The following GSTZ1 variants were observed in gnomAD, a reference collection of about 807,000 sequenced individuals.
The protein encoded by GSTZ1 is glutathione S-transferase zeta 1.
In GSTZ1, 34 loss-of-function variants were observed where a neutral mutation model predicts 35.9. The observed-to-expected ratio is 0.95, with a 90% confidence interval of 0.72 to 1.26. The LOEUF (loss-of-function observed/expected upper bound fraction) is 1.26. Among genes scored for constraint, GSTZ1 ranks in the 50% most tolerant of loss-of-function variants. GSTZ1 has a pLI of 0.00. For synonymous variants in GSTZ1, 93 were observed against 101.2 expected (o/e 0.92, Z 0.49); for missense variants, 263 against 271.7 (o/e 0.97, Z 0.23).
intron 3 of GSTZ1, 152 bp from the exon 4 acceptor site, chr14:77,327,320 C>T (rs1892370511): frequency 6.3e-6 from 4 of 636,306 alleles, no homozygotes; most frequent in Non-Finnish European, 1.1e-5. Context: ...CTGCATGGAT[C>T]CCCCAGGGAT....
rs149349623 is a variant in GSTZ1, at chr14:77,329,175, A to G, written c.395A>G (p.Gln132Arg). The G allele has an allele frequency of 1.7e-4, 279 of 1,612,252 alleles. 2 individuals carry two copies. The African/African-American group carries it at 3.2e-3, about 18-fold the overall frequency. ...VGEEMQLTWA[Q>R]NAITCGFNAL... ...GAGGAGATGCAGCTGACCTGGGCCCAGAACGCCATCACTTGTGGCTTTAAC... is the reference window on the plus strand; with the variant it reads ...GAGGAGATGCAGCTGACCTGGGCCCGGAACGCCATCACTTGTGGCTTTAAC... Residue 132 changes from glutamine (Q) to arginine (R), a missense_variant, in exon 6 of 9, where the codon CAG becomes CGG. By Grantham distance (43) the Gln-to-Arg change is conservative. Coordinates refer to ENST00000216465, the MANE Select transcript of GSTZ1 (RefSeq NM_145870.3).
intron 1 of GSTZ1, 191 bp from the exon 2 acceptor site, chr14:77,324,671 CCTCAGGAG>C: frequency 7.4e-7 from 1 of 1,359,724 alleles, no homozygotes; most frequent in Non-Finnish European, 1.0e-6. Flanking sequence ...GCCTCTTGGA[CCTCAGGAG>C]CTCAAACCAG....
rs376952120 is a variant in GSTZ1 at position 77,326,919 on chromosome 14, G to C, written c.135+14G>C. On this transcript the variant is annotated intron_variant, in intron 3 of 8. Coordinates refer to ENST00000216465, the MANE Select transcript of GSTZ1 (RefSeq NM_145870.3). Reference sequence around the variant, plus strand: ...GGGGGCCAACAGGTAAGAAGGCTGTGCCCAGACCACAATGTGGGAATTGGA... The same window carrying C: ...GGGGGCCAACAGGTAAGAAGGCTGTCCCCAGACCACAATGTGGGAATTGGA... 6.3e-7 allele frequency: 1 copy of C among 1,579,802 alleles called. No homozygotes were observed. Among genetic ancestry groups the C allele is most frequent in the Non-Finnish European group, 8.7e-7 (1 of 1,153,944 alleles).
Position 77,331,317 on chromosome 14 carries a change from C to T in GSTZ1, c.*122C>T. On this transcript the variant is annotated 3_prime_UTR_variant, in exon 9 of 9. Coordinates refer to ENST00000216465, the MANE Select transcript of GSTZ1 (RefSeq NM_145870.3). ...GACTCGAACTCTAGCCCTGGATCTG[C>T]CTTCCTGCTGAAACTTGTTCCACCT... The T allele has an allele frequency of 8.6e-7, 1 of 1,163,666 alleles. No individual in the cohort carries two copies. The allele number at this position is 1,163,666 out of a possible 1,614,324, so 72.1% of individuals were successfully genotyped here. A position where few individuals can be genotyped will look rare whatever the true frequency, so the allele number is the denominator to read the frequency against.
intron 4 of GSTZ1, 157 bp from the exon 5 acceptor site, chr14:77,327,755 G>C: frequency 1.3e-6 from 1 of 763,936 alleles, no homozygotes; most frequent in South Asian, 1.7e-5. Flanking sequence ...GCATGATAAG[G>C]TCCAAAAAGG....
Position 77,326,910 on chromosome 14 carries a change from G to A in GSTZ1, c.135+5G>A, listed in dbSNP as rs1339153726. The stretch of plus-strand genomic sequence containing the variant: ...ATAAAGGATGGGGGCCAACAGGTAA[G>A]AAGGCTGTGCCCAGACCACAATGTG... On this transcript the variant is annotated splice_donor_5th_base_variant and intron_variant, in intron 3 of 8. Coordinates refer to ENST00000216465, the MANE Select transcript of GSTZ1 (RefSeq NM_145870.3). 3 of 1,593,928 alleles carry A rather than the reference G, an allele frequency of 1.9e-6. No individual in the cohort carries two copies. The Admixed American group carries it at 5.1e-5, about 27-fold the overall frequency.
At position 77,329,125 on chromosome 14, in the gene GSTZ1, CCTGT is replaced by C; in HGVS notation, c.351_354del (p.Val118Ter). 6.2e-7 allele frequency: 1 copy of C among 1,609,496 alleles called. No individual in the cohort carries two copies. Among genetic ancestry groups the C allele is most frequent in the Non-Finnish European group, 8.5e-7 (1 of 1,175,708 alleles). ...CAGATTTTCTTTGGGCTGCACAGAA[CCTGT>C]CTGTCCTGAAGCAAGTGGGAGAGGA... On this transcript the variant is annotated frameshift_variant, in exon 6 of 9. Coordinates refer to ENST00000216465, the MANE Select transcript of GSTZ1 (RefSeq NM_145870.3). LOFTEE classifies it high-confidence loss of function.
In GSTZ1 at chr14:77,321,370, G is replaced by A. The variant is rs759424598; in HGVS notation, c.15+187G>A. On this transcript the variant is annotated intron_variant, in intron 1 of 8. Transcript: ENST00000216465. Reference sequence around the variant, plus strand: ...CCGCTGGGGCTCGAAGTTCCGGGAGGGTTGGGCCAGAGGAGGCGGTCCTGG... The same window carrying A: ...CCGCTGGGGCTCGAAGTTCCGGGAGAGTTGGGCCAGAGGAGGCGGTCCTGG... 348 of 1,530,590 alleles carry A rather than the reference G, an allele frequency of 2.3e-4. 1 individual carries two copies. The highest frequency in any genetic ancestry group is 3.0e-4 in the Non-Finnish European group (340 of 1,143,226). The allele number at this position is 1,530,590 out of a possible 1,614,324, so 94.8% of individuals were successfully genotyped here.
intron 1 of GSTZ1, chr14:77,323,977 G>A (rs1892164432): frequency 6.5e-6 from 1 of 153,054 alleles, no homozygotes; most frequent in South Asian, 2.1e-4. Context: ...GCAGAGGTTT[G>A]TCCAAGGTCA....
chr14:77,321,362 TC>T (rs1891951553), intron 1 of GSTZ1, 179 bp downstream of exon 1: 1 of 1,531,126 alleles, frequency 6.5e-7, no homozygotes, highest in East Asian at 2.5e-5. Context: ...GGCTCGAAGT[TC>T]CGGGAGGGTT....
intron 7 of GSTZ1, 96 bp downstream of exon 7, chr14:77,329,903 CA>C: frequency 1.1e-6 from 1 of 913,606 alleles, no homozygotes; most frequent in Non-Finnish European, 1.8e-6. Context: ...AAGGCGTCTG[CA>C]GGGGGATCTC....
At chr14:77,328,309 G>C (rs1001554617) in intron 5 of GSTZ1, 6 of 480,242 alleles carry the variant, frequency 1.2e-5, no homozygotes, top group African/African-American at 1.2e-4. Flanking sequence ...AATGGCAGGG[G>C]AGAGACTGAG....
chr14:77,321,497 CA>C (rs1414246207), intron 1 of GSTZ1: 2 of 1,406,286 alleles, frequency 1.4e-6, no homozygotes, highest in South Asian at 2.7e-5. Context: ...CTAAGGCTTC[CA>C]AACGTCGCCC....
chr14:77,326,498 AC>A, intron 2 of GSTZ1: 1 of 234,044 alleles, frequency 4.3e-6, no homozygotes, highest in South Asian at 9.4e-5. Flanking sequence ...AGAGTTAAAC[AC>A]AACACAGCCT....
chr14:77,327,067 GGTGTGCAGTA>G, intron 3 of GSTZ1, 162 bp downstream of exon 3: 2 of 635,876 alleles, frequency 3.1e-6, no homozygotes, highest in Non-Finnish European at 5.7e-6. Flanking sequence ...AAGGTGGCAA[GGTGTGCAGTA>G]GCAGGAGGCC....
At chr14:77,330,966 C>T (rs1892597051) in intron 8 of GSTZ1, 103 bp from the exon 9 acceptor site, 2 of 1,168,154 alleles carry the variant, frequency 1.7e-6, no homozygotes, top group African/African-American at 1.5e-5. Context: ...TGGACAGCTC[C>T]CTCGACCTCA....
chr14:77,325,220 A>C, intron 2 of GSTZ1: 2 of 371,678 alleles, frequency 5.4e-6, no homozygotes, highest in East Asian at 5.3e-5. Flanking sequence ...CAAAATCCAC[A>C]TGCCCCTGGT....
chr14:77,321,319 C>T (rs769348970), intron 1 of GSTZ1, 136 bp downstream of exon 1: 24 of 1,530,910 alleles, frequency 1.6e-5, no homozygotes, highest in South Asian at 1.1e-4. Context: ...GCCGGGCACG[C>T]TCTGCGCCTG....
At chr14:77,327,789 A>C in intron 4 of GSTZ1, 123 bp from the exon 5 acceptor site, 1 of 971,708 alleles carries the variant, frequency 1.0e-6, no homozygotes, top group Non-Finnish European at 1.6e-6. Context: ...AGCTGAGCAG[A>C]AGCAGGGGGG....
Sources: gnomAD v4.1 joint callset for allele counts on GRCh38, gnomAD v4.1.1 for gene constraint, MANE v1.5 for transcripts, NCBI Gene and HGNC (gene_info 2026-07-23, HGNC 2026-07-21) for gene names.